The following FAM169A variants were observed in gnomAD, a reference collection of about 807,000 sequenced individuals.
The protein encoded by FAM169A is soluble lamin-associated protein of 75 kDa.
In FAM169A, 24 loss-of-function variants were observed where a neutral mutation model predicts 75.7. That is an observed-to-expected ratio of 0.32 (90% CI 0.23 to 0.45). FAM169A has a LOEUF of 0.45. Among genes scored for constraint, FAM169A ranks in the 20% least tolerant of loss-of-function variants. The pLI is 1.00. For missense variants in FAM169A, 673 were observed against 784.0 expected, an observed-to-expected ratio of 0.86 and a Z score of 1.69; for synonymous variants, 271 against 271.0, an observed-to-expected ratio of 1.00 and a Z score of 0.00.
intron 6 of FAM169A, among the ~76,000 whole-genome samples, chr5:74,810,187 T>C (rs1200530905): frequency 6.6e-6 from 1 of 152,136 alleles, no homozygotes; most frequent in Non-Finnish European, 1.5e-5. Flanking sequence ...TCAATGAGCC[T>C]CAAAAATAAG....
In FAM169A at chr5:74,801,006, G is replaced by A; in HGVS notation, c.977C>T (p.Thr326Ile). 6.4e-7 allele frequency: 1 copy of A among 1,563,060 alleles called. No individual in the cohort carries two copies. Among genetic ancestry groups the A allele is most frequent in the Non-Finnish European group, 8.7e-7 (1 of 1,154,816 alleles). The change falls in exon 10 of 13, where the codon ACT becomes ATT. Residue 326 changes from threonine (T) to isoleucine (I), a missense_variant. By Grantham distance (89) the Thr-to-Ile change is moderately conservative. This residue lies in a region of FAM169A where 510 missense variants were observed against 550.9 expected (regional missense o/e 0.93). Transcript: ENST00000687041. ...CTTTAGATTACCACTTCGAGTATGA[G>A]TGGAAACAGATGTTTTATCATGACC... ...SEGHDKTSVSTHTRSGNLKRP... is the reference protein window; with the variant it reads ...SEGHDKTSVSIHTRSGNLKRP...
intron 4 of FAM169A, among the ~76,000 whole-genome samples, chr5:74,836,497 C>CAG (rs1269563897): frequency 6.6e-6 from 1 of 152,164 alleles, no homozygotes; most frequent in Non-Finnish European, 1.5e-5. Flanking sequence ...TTTCCAGGTA[C>CAG]AGAGAGGTTT....
At chr5:74,852,460 A>G (rs1246630713) in intron 1 of FAM169A, among the ~76,000 whole-genome samples, 1 of 152,228 alleles carries the variant, frequency 6.6e-6, no homozygotes, top group East Asian at 1.9e-4. Flanking sequence ...ACTTCAAAGC[A>G]TATTTACTAA....
At position 74,781,732 on chromosome 5, in the gene FAM169A, C is replaced by T; in HGVS notation, c.1741G>A (p.Glu581Lys). The change falls in exon 13 of 13, where the codon GAA (glutamate) becomes AAA (lysine). Residue 581 changes from glutamate to lysine, a missense_variant. Glu to Lys is a moderately conservative substitution (Grantham distance 56, BLOSUM62 1). Transcript: ENST00000687041. ...QGEEGVSEPQ[E>K]TSTALPQSSL... Reference sequence around the variant, plus strand: ...CTCTGAGGAAGAGCAGTAGATGTTTCCTGGGGCTCAGATACCCCCTCCTCA... The same window carrying T: ...CTCTGAGGAAGAGCAGTAGATGTTTTCTGGGGCTCAGATACCCCCTCCTCA... 1 of 1,614,126 alleles carries T rather than the reference C, an allele frequency of 6.2e-7. No homozygotes were observed. The highest frequency in any genetic ancestry group is 8.5e-7 in the Non-Finnish European group (1 of 1,180,016).
intron 11 of FAM169A, among the ~76,000 whole-genome samples, chr5:74,790,693 G>T (rs1464648392): frequency 6.6e-6 from 1 of 152,196 alleles, no homozygotes; most frequent in South Asian, 2.1e-4. Flanking sequence ...AGTGGCCATG[G>T]TGACAGGGAT....
chr5:74,810,623 AC>A (rs2112564031), intron 6 of FAM169A, among the ~76,000 whole-genome samples: 2 of 151,262 alleles, frequency 1.3e-5, no homozygotes, highest in East Asian at 4.0e-4. Context: ...GGTGGCGGGC[AC>A]CTGTAGTCCC....
chr5:74,788,582 G>A (rs965803678), intron 11 of FAM169A, among the ~76,000 whole-genome samples: 2 of 152,074 alleles, frequency 1.3e-5, no homozygotes, highest in Admixed American at 6.5e-5. Context: ...GCACATGCCT[G>A]TAATCCCAGC....
intron 2 of FAM169A, among the ~76,000 whole-genome samples, chr5:74,840,905 AT>A (rs1453411019): frequency 6.6e-6 from 1 of 152,026 alleles, no homozygotes; most frequent in Non-Finnish European, 1.5e-5. Flanking sequence ...ATGCTTTAAC[AT>A]TTTTTTGCCT....
In FAM169A at chr5:74,778,586, G is replaced by C. The variant is rs1461815923; in HGVS notation, c.*2874C>G. The C allele has an allele frequency of 7.9e-6, 1 of 127,272 alleles. No homozygotes were observed. The highest frequency in any genetic ancestry group is 4.3e-5 in the African/African-American group (1 of 23,408). 7.9% of individuals were successfully genotyped at this position (127,272 alleles called of 1,614,324 possible). A position where few individuals can be genotyped will look rare whatever the true frequency, so the allele number is the denominator to read the frequency against. On this transcript the variant is annotated 3_prime_UTR_variant, in exon 13 of 13. Transcript: ENST00000687041. Reference sequence around the variant, plus strand: ...GAAGACTGACGTTCTAAATCATGCTGTTTGATTTTATAAAAAAATCATAAT... The same window carrying C: ...GAAGACTGACGTTCTAAATCATGCTCTTTGATTTTATAAAAAAATCATAAT...
At chr5:74,856,418 T>C (rs1182234077) in intron 1 of FAM169A, among the ~76,000 whole-genome samples, 1 of 152,238 alleles carries the variant, frequency 6.6e-6, no homozygotes, top group African/African-American at 2.4e-5. Flanking sequence ...TATATGGACA[T>C]GAAATATCTT....
intron 6 of FAM169A, among the ~76,000 whole-genome samples, chr5:74,813,147 G>T (rs1747291990): frequency 6.6e-6 from 1 of 152,146 alleles, no homozygotes. Flanking sequence ...CAGATTAGTG[G>T]TTGCTACAGG....
Position 74,861,945 on chromosome 5 carries a change from T to C in FAM169A, c.-4+4220A>G, listed in dbSNP as rs560007808. Among the ~76,000 whole-genome samples, 5 of 152,316 alleles carry C rather than the reference T, an allele frequency of 3.3e-5. No individual in the cohort carries two copies. In the South Asian group the frequency reaches 1.0e-3, roughly 32 times the overall value. On this transcript the variant is annotated intron_variant, in intron 1 of 12. Coordinates refer to ENST00000687041, the MANE Select transcript of FAM169A (RefSeq NM_001376049.1). ...GCTAAAGAGGCCAAGCCTAAGTAAC[T>C]ATCCCTCATTTATACAACCATGGCA...
intron 5 of FAM169A, among the ~76,000 whole-genome samples, chr5:74,831,637 C>T (rs924248513): frequency 1.3e-5 from 2 of 152,182 alleles, no homozygotes; most frequent in East Asian, 1.9e-4. Context: ...GTCTTGTTGG[C>T]GCTCAGAATG....
At chr5:74,823,356 T>G (rs1005470724) in intron 5 of FAM169A, among the ~76,000 whole-genome samples, 14 of 152,168 alleles carry the variant, frequency 9.2e-5, no homozygotes, top group African/African-American at 3.4e-4. Flanking sequence ...TTCCCCCTTC[T>G]CTTACTGACA....
intron 1 of FAM169A, chr5:74,848,854 T>G (rs557639625): frequency 6.6e-6 from 1 of 152,340 alleles, no homozygotes; most frequent in African/African-American, 2.4e-5. Flanking sequence ...TATAGGTTGC[T>G]ATGATAAATC....
intron 8 of FAM169A, among the ~76,000 whole-genome samples, chr5:74,803,796 C>T (rs1746711865): frequency 6.6e-6 from 1 of 152,174 alleles, no homozygotes. Context: ...TCTACAAAGA[C>T]TAGCATATAC....
intron 1 of FAM169A, among the ~76,000 whole-genome samples, chr5:74,842,143 C>T (rs577708583): frequency 2.1e-4 from 31 of 150,950 alleles, no homozygotes; most frequent in Admixed American, 9.9e-4. Flanking sequence ...AAAATCACTG[C>T]GGGCACAGTG....
intron 6 of FAM169A, among the ~76,000 whole-genome samples, chr5:74,809,645 C>T (rs1747070845): frequency 6.6e-6 from 1 of 152,050 alleles, no homozygotes. Context: ...CAATTCAATA[C>T]AACATAAGCA....
chr5:74,824,650 T>C (rs1747925163), intron 5 of FAM169A, among the ~76,000 whole-genome samples: 1 of 150,958 alleles, frequency 6.6e-6, no homozygotes, highest in Non-Finnish European at 1.5e-5. Context: ...ACAATAGTCA[T>C]ATAAGACTTA....
Sources: gnomAD v4.1 joint callset for allele counts (sites outside exome capture counted in the v4.1 genomes callset) on GRCh38, gnomAD v4.1.1 for gene constraint, gnomAD v4.1.1 regional missense constraint, MANE v1.5 for transcripts, NCBI Gene and HGNC (gene_info 2026-07-23, HGNC 2026-07-21) for gene names.